Variants in LYPLAL1 observed in about 807,000 individuals in gnomAD.
LYPLAL1 encodes the protein lysophospholipase-like protein 1.
Under a neutral mutation model 19.7 loss-of-function variants are expected in LYPLAL1, and 23 were observed. The ratio of observed to expected loss-of-function variants is 1.17; its 90% confidence interval spans 0.84 to 1.65. LYPLAL1 has a LOEUF of 1.65. Ranked by LOEUF, LYPLAL1 falls within the 40% of genes most tolerant of loss-of-function variation. The pLI is 0.00. For synonymous variants in LYPLAL1, 119 were observed against 96.3 expected (o/e 1.24, Z -1.38); for missense variants, 355 against 279.4 (o/e 1.27, Z -1.93).
At chr1:219,255,402 C>T in the LYPLAL1 span, among the ~76,000 whole-genome samples, 2 of 151,794 alleles carry the variant, frequency 1.3e-5, no homozygotes, top group South Asian at 4.2e-4. Flanking sequence ...ATTCAATTTT[C>T]TATTTATTTG....
the LYPLAL1 span, among the ~76,000 whole-genome samples, chr1:219,396,331 C>T: frequency 6.6e-5 from 10 of 152,204 alleles, no homozygotes; most frequent in African/African-American, 2.4e-4. Context: ...GGTTTGATTA[C>T]TGTAGTCTTG....
At chr1:219,249,545 G>A in the LYPLAL1 span, among the ~76,000 whole-genome samples, 3 of 151,974 alleles carry the variant, frequency 2.0e-5, no homozygotes, top group Non-Finnish European at 4.4e-5. Flanking sequence ...AAAATATCAA[G>A]GAGTGAAAAT....
chr1:219,330,087 T>C, the LYPLAL1 span, among the ~76,000 whole-genome samples: 2 of 152,168 alleles, frequency 1.3e-5, no homozygotes, highest in African/African-American at 4.8e-5. Flanking sequence ...TGAGTTTTGA[T>C]ATCCTTCAGT....
At chr1:219,370,639 G>A in the LYPLAL1 span, among the ~76,000 whole-genome samples, 1 of 152,148 alleles carries the variant, frequency 6.6e-6, no homozygotes, top group African/African-American at 2.4e-5. Context: ...TTGGTTTGGG[G>A]CCAGACTGTG....
At chr1:219,184,596 AT>A (rs1656572593) in intron 2 of LYPLAL1, among the ~76,000 whole-genome samples, 2 of 151,818 alleles carry the variant, frequency 1.3e-5, no homozygotes, top group Non-Finnish European at 2.9e-5. Context: ...TTTTTTGTAT[AT>A]ATGCCTTTTT....
the LYPLAL1 span, among the ~76,000 whole-genome samples, chr1:219,396,564 C>A: frequency 3.3e-5 from 5 of 152,086 alleles, no homozygotes; most frequent in Non-Finnish European, 7.4e-5. Context: ...GAATATTTTT[C>A]CGTTTGTTAG....
the LYPLAL1 span, among the ~76,000 whole-genome samples, chr1:219,399,652 T>C: frequency 6.6e-6 from 1 of 152,012 alleles, no homozygotes. Context: ...GGTACTATGG[T>C]ATGCCAGCCC....
At chr1:219,229,294 T>TGAGAGAGAGAGAGAGAGAGAGA in the LYPLAL1 span, among the ~76,000 whole-genome samples, 47 of 133,024 alleles carry the variant, frequency 3.5e-4, no homozygotes, top group African/African-American at 8.6e-4. Context: ...ACAAGCATTT[T>TGAGAGAGAGAGAGAGAGAGAGA]GAGAGAGAGA....
chr1:219,197,004 A>C (rs980483012), intron 3 of LYPLAL1, among the ~76,000 whole-genome samples: 1 of 152,184 alleles, frequency 6.6e-6, no homozygotes, highest in Non-Finnish European at 1.5e-5. Flanking sequence ...AAATGGAGAA[A>C]CATTCTATGC....
At chr1:219,177,706 A>T (rs766419047) in intron 1 of LYPLAL1, among the ~76,000 whole-genome samples, 6 of 152,196 alleles carry the variant, frequency 3.9e-5, no homozygotes, top group Admixed American at 6.5e-5. Context: ...GTTTCTATCT[A>T]CATCATCGCT....
chr1:219,436,473 G>C, the LYPLAL1 span, among the ~76,000 whole-genome samples: 1 of 151,996 alleles, frequency 6.6e-6, no homozygotes, highest in Non-Finnish European at 1.5e-5. Flanking sequence ...ACAGTAATAG[G>C]GGCCCTTGGC....
At chr1:219,192,160 A>G (rs1375646868) in intron 2 of LYPLAL1, among the ~76,000 whole-genome samples, 1 of 151,720 alleles carries the variant, frequency 6.6e-6, no homozygotes, top group African/African-American at 2.4e-5. Context: ...CTCCTTGAAT[A>G]TGCTGAGGTT....
At chr1:219,392,995 T>C in the LYPLAL1 span, among the ~76,000 whole-genome samples, 1 of 152,156 alleles carries the variant, frequency 6.6e-6, no homozygotes, top group Non-Finnish European at 1.5e-5. Context: ...TTTGCTTGGG[T>C]CTATTGGTCA....
At chr1:219,442,961 G>A in the LYPLAL1 span, among the ~76,000 whole-genome samples, 1 of 152,038 alleles carries the variant, frequency 6.6e-6, no homozygotes, top group Non-Finnish European at 1.5e-5. Context: ...CAAGTATTGG[G>A]AGAACTAAAC....
chr1:219,199,409 A>G (rs1657889688), intron 3 of LYPLAL1, among the ~76,000 whole-genome samples: 2 of 151,902 alleles, frequency 1.3e-5, no homozygotes, highest in South Asian at 4.2e-4. Context: ...AGTAAGCATG[A>G]TCAAACCTCT....
the LYPLAL1 span, among the ~76,000 whole-genome samples, chr1:219,405,849 C>A: frequency 6.6e-6 from 1 of 152,178 alleles, no homozygotes; most frequent in South Asian, 2.1e-4. Context: ...CATTAGAGGT[C>A]ACTTGCTTCA....
At chr1:219,241,126 C>CTATATATA in the LYPLAL1 span, among the ~76,000 whole-genome samples, 5 of 89,364 alleles carry the variant, frequency 5.6e-5, no homozygotes, top group South Asian at 3.8e-4. Flanking sequence ...CTCTCTCTCT[C>CTATATATA]TCTCTCTCTA....
At chr1:219,382,064 A>C in the LYPLAL1 span, among the ~76,000 whole-genome samples, 1 of 152,224 alleles carries the variant, frequency 6.6e-6, no homozygotes, top group African/African-American at 2.4e-5. Flanking sequence ...TTACTGGCAC[A>C]TGAGGTGCCT....
the LYPLAL1 span, among the ~76,000 whole-genome samples, chr1:219,325,719 G>A: frequency 4.6e-5 from 7 of 152,222 alleles, no homozygotes; most frequent in East Asian, 1.2e-3. Context: ...ATTTAATTGA[G>A]TGAATTAAAT....
Sources: gnomAD v4.1 joint callset for allele counts (sites outside exome capture counted in the v4.1 genomes callset) on GRCh38, gnomAD v4.1.1 for gene constraint, MANE v1.5 for transcripts, NCBI Gene and HGNC (gene_info 2026-07-23, HGNC 2026-07-21) for gene names.